ABLIM3: variants seen among roughly 807,000 people sequenced by gnomAD.
ABLIM3 encodes actin binding LIM protein family member 3, also known as actin-binding LIM protein 3.
In ABLIM3, 61 loss-of-function variants were observed where a neutral mutation model predicts 109.5. The ratio of observed to expected loss-of-function variants is 0.56; its 90% CI spans 0.45 to 0.69. ABLIM3 has a LOEUF of 0.69. Among genes scored for constraint, ABLIM3 ranks in the 30% least tolerant of loss-of-function variants. The pLI is 0.00. For synonymous variants in ABLIM3, 300 were observed against 324.8 expected (o/e 0.92, Z 0.82); for missense variants, 796 against 889.5 (o/e 0.89, Z 1.34).
chr5:149,244,267 CACTT>C (rs1475271997), intron 15 of ABLIM3: 2 of 153,118 alleles, frequency 1.3e-5, no homozygotes, highest in East Asian at 3.8e-4. Context: ...CCGATTCTGA[CACTT>C]ACAGATGAGG....
At chr5:149,238,655 TTC>T (rs1310493511) in intron 11 of ABLIM3, among the ~76,000 whole-genome samples, 1 of 152,264 alleles carries the variant, frequency 6.6e-6, no homozygotes, top group Non-Finnish European at 1.5e-5. Flanking sequence ...GAATCTGCAC[TTC>T]TGTCTTTCTT....
At chr5:149,192,493 CG>C (rs141657223) in intron 3 of ABLIM3, among the ~76,000 whole-genome samples, 7,547 of 151,702 alleles carry the variant, frequency 0.05, 573 homozygotes, top group African/African-American at 0.17. Context: ...ACTCCACCTA[CG>C]GGGCGCCTGT....
At chr5:149,160,105 T>G (rs753619947) in intron 2 of ABLIM3, among the ~76,000 whole-genome samples, 3 of 152,114 alleles carry the variant, frequency 2.0e-5, no homozygotes, top group Non-Finnish European at 4.4e-5. Context: ...ATAGCAAACA[T>G]TAGCAAACAA....
intron 3 of ABLIM3, among the ~76,000 whole-genome samples, chr5:149,193,492 A>C (rs1439324522): frequency 6.6e-6 from 1 of 152,126 alleles, no homozygotes; most frequent in Non-Finnish European, 1.5e-5. Context: ...TTAATATGCT[A>C]AATTCTCTGA....
chr5:149,252,753 T>C lies in ABLIM3; in HGVS notation c.1858-4T>C. On this transcript the variant is annotated splice_region_variant and splice_polypyrimidine_tract_variant and intron_variant, in intron 22 of 23. Coordinates refer to ENST00000309868, the MANE Select transcript of ABLIM3 (RefSeq NM_014945.5). The stretch of plus-strand genomic sequence containing the variant: ...AGCTGGAGACCACCCCCCTTTCTCC[T>C]TAGATCTACCCTTATGAACTGCTGC... The C allele has an allele frequency of 1.2e-6, 2 of 1,611,982 alleles. No homozygotes were observed. The highest frequency in any genetic ancestry group is 8.5e-7 in the Non-Finnish European group (1 of 1,178,784).
At chr5:149,181,549 C>A (rs972027929) in intron 2 of ABLIM3, among the ~76,000 whole-genome samples, 1 of 152,096 alleles carries the variant, frequency 6.6e-6, no homozygotes, top group African/African-American at 2.4e-5. Flanking sequence ...ATTCTCCCAC[C>A]CCAGTTAGCA....
chr5:149,183,331 C>A, intron 2 of ABLIM3, 121 bp from the exon 3 acceptor site: 2 of 1,195,568 alleles, frequency 1.7e-6, no homozygotes, highest in Non-Finnish European at 2.3e-6. Flanking sequence ...ATTGAAGATA[C>A]TTTGCACATC....
intron 2 of ABLIM3, among the ~76,000 whole-genome samples, chr5:149,170,271 C>CAT (rs1205054119): frequency 9.3e-6 from 1 of 107,540 alleles, no homozygotes; most frequent in Non-Finnish European, 2.0e-5. Flanking sequence ...TCTCCTTCTC[C>CAT]CTCTCTCTCT....
intron 2 of ABLIM3, among the ~76,000 whole-genome samples, chr5:149,147,126 T>C (rs868026146): frequency 2.6e-5 from 4 of 151,990 alleles, no homozygotes; most frequent in African/African-American, 7.3e-5. Context: ...TGTGTGTGTG[T>C]GTGTGTGTGT....
intron 8 of ABLIM3, among the ~76,000 whole-genome samples, chr5:149,229,723 A>T (rs1581187587): frequency 6.6e-6 from 1 of 152,198 alleles, no homozygotes; most frequent in Non-Finnish European, 1.5e-5. Flanking sequence ...CTCCAGAGGG[A>T]TAATATGTTC....
chr5:149,210,712 A>T lies in ABLIM3; in HGVS notation c.576-14A>T. On this transcript the variant is annotated splice_polypyrimidine_tract_variant and intron_variant, in intron 6 of 23. Coordinates refer to ENST00000309868, the MANE Select transcript of ABLIM3 (RefSeq NM_014945.5). ...TCCCTAACTTCCTCATCCTATGTGA[A>T]CTTCTTCTTGCAGGGATGGTGTTCC... 1 of 1,612,646 alleles carries T rather than the reference A, an allele frequency of 6.2e-7. No individual in the cohort carries two copies. The highest frequency in any genetic ancestry group is 2.2e-5 in the East Asian group (1 of 44,868).
chr5:149,147,477 A>C (rs1753042501), intron 2 of ABLIM3, among the ~76,000 whole-genome samples: 1 of 152,144 alleles, frequency 6.6e-6, no homozygotes, highest in Admixed American at 6.6e-5. Context: ...TATTCTGTTG[A>C]GGATTTTTGC....
chr5:149,258,991 T>A lies in ABLIM3; in HGVS notation c.*587T>A. On this transcript the variant is annotated 3_prime_UTR_variant, in exon 24 of 24. Transcript: ENST00000309868. ...CCAGTCAACAGAAGTGGACAGGGCC[T>A]AGGCCTCTCCTCAGCTCCTTAACCC... The A allele has an allele frequency of 1.0e-6, 1 of 997,342 alleles. No homozygotes were observed. The highest frequency in any genetic ancestry group is 1.7e-5 in the African/African-American group (1 of 57,490). 61.8% of individuals were successfully genotyped at this position (997,342 alleles called of 1,614,324 possible).
At chr5:149,167,893 G>A (rs1417000235) in intron 2 of ABLIM3, among the ~76,000 whole-genome samples, 1 of 152,220 alleles carries the variant, frequency 6.6e-6, no homozygotes, top group African/African-American at 2.4e-5. Flanking sequence ...CCTGAGATCT[G>A]TGGGATGGAG....
chr5:149,252,267 G>A lies in ABLIM3; in HGVS notation c.1857+59G>A, dbSNP rs536086683. ...GGATTCTTGGAGCCGCTACACTGGG[G>A]ATCACCAGGAGGATGACAGCACTGT... On this transcript the variant is annotated intron_variant, in intron 22 of 23. Transcript: ENST00000309868. 6.9e-6 allele frequency: 11 copies of A among 1,591,946 alleles called. No individual in the cohort carries two copies. The South Asian group carries it at 1.1e-4, about 16-fold the overall frequency.
At chr5:149,171,296 T>C (rs1466732589) in intron 2 of ABLIM3, among the ~76,000 whole-genome samples, 1 of 152,342 alleles carries the variant, frequency 6.6e-6, no homozygotes, top group East Asian at 1.9e-4. Context: ...TTAGTAGTAT[T>C]ACTATCATTA....
At chr5:149,185,322 C>T (rs959388032) in intron 3 of ABLIM3, among the ~76,000 whole-genome samples, 8 of 152,132 alleles carry the variant, frequency 5.3e-5, no homozygotes, top group Non-Finnish European at 1.0e-4. Flanking sequence ...AGCTTTTCAT[C>T]CTCCAATGGG....
chr5:149,168,293 A>G (rs1295120329), intron 2 of ABLIM3, among the ~76,000 whole-genome samples: 1 of 152,202 alleles, frequency 6.6e-6, no homozygotes, highest in Non-Finnish European at 1.5e-5. Flanking sequence ...GGACTGGTCT[A>G]TATGGCTTGG....
intron 2 of ABLIM3, among the ~76,000 whole-genome samples, chr5:149,143,342 G>A (rs957538350): frequency 2.6e-5 from 4 of 151,970 alleles, no homozygotes; most frequent in East Asian, 1.9e-4. Context: ...CAGCCTGGGC[G>A]ACAGAGTGAG....
Sources: allele counts gnomAD v4.1 joint callset (sites outside exome capture counted in the v4.1 genomes callset), GRCh38; gene constraint gnomAD v4.1.1; transcripts MANE v1.5; gene names NCBI Gene and HGNC (gene_info 2026-07-23, HGNC 2026-07-21).